The following LPCAT2 variants were observed in gnomAD, a reference collection of about 807,000 sequenced individuals.
The protein encoded by LPCAT2 is lysophosphatidylcholine acyltransferase 2.
A neutral mutation model predicts 64.7 loss-of-function variants in LPCAT2; 58 were observed. That is an observed-to-expected ratio of 0.90 (90% CI 0.73 to 1.12). LPCAT2 has a LOEUF of 1.12. Among genes scored for constraint, LPCAT2 ranks in the 50% most tolerant of loss-of-function variants. LPCAT2 has a pLI of 0.00. For synonymous variants in LPCAT2, 252 were observed against 245.3 expected, an observed-to-expected ratio of 1.03 and a Z score of -0.26; for missense variants, 579 against 669.8, an observed-to-expected ratio of 0.86 and a Z score of 1.50.
Position 55,525,666 on chromosome 16 carries a change from C to A in LPCAT2, c.311+19C>A. 6.3e-7 allele frequency: 1 copy of A among 1,582,584 alleles called. No individual in the cohort carries two copies. Among genetic ancestry groups the A allele is most frequent in the Non-Finnish European group, 8.6e-7 (1 of 1,165,220 alleles). Reference sequence around the variant, plus strand: ...GGAGGAGGTAAGAAATAATTTTGTCCAAAATATTAGGACATAATATTAAAT... The same window carrying A: ...GGAGGAGGTAAGAAATAATTTTGTCAAAAATATTAGGACATAATATTAAAT... On this transcript the variant is annotated intron_variant, in intron 2 of 13. Transcript: ENST00000262134.
chr16:55,551,514 G>A (rs1385929159), intron 11 of LPCAT2, among the ~76,000 whole-genome samples: 6 of 152,068 alleles, frequency 3.9e-5, no homozygotes, highest in Admixed American at 1.3e-4. Context: ...ATACATTGAT[G>A]ACATGGGTGT....
In LPCAT2 at chr16:55,528,482, A is replaced by C; in HGVS notation, c.417A>C (p.Pro139=). 6.2e-7 allele frequency: 1 copy of C among 1,614,046 alleles called. No individual in the cohort carries two copies. The highest frequency in any genetic ancestry group is 8.5e-7 in the Non-Finnish European group (1 of 1,179,958). Residue 139 remains proline (P), a synonymous_variant, in exon 3 of 14, where the codon CCA becomes CCC. Transcript: ENST00000262134. The part of the protein sequence containing the change: ...KGKIASPLEA[P]VFVAAPHSTF... ...AGATTGCAAGTCCTTTGGAAGCACC[A>C]GTTTTTGTTGCTGCCCCTCATTCAA...
At chr16:55,568,240 G>T (rs919060012) in intron 11 of LPCAT2, among the ~76,000 whole-genome samples, 1 of 152,170 alleles carries the variant, frequency 6.6e-6, no homozygotes, top group African/African-American at 2.4e-5. Context: ...GTTCAAAAAT[G>T]TCTCTAGCTG....
chr16:55,576,975 T>A (rs906413730), intron 12 of LPCAT2, among the ~76,000 whole-genome samples: 1 of 152,178 alleles, frequency 6.6e-6, no homozygotes, highest in South Asian at 2.1e-4. Context: ...TTAGACTGTT[T>A]AGATGAGTTG....
At chr16:55,546,875 G>A (rs372931705) in intron 9 of LPCAT2, among the ~76,000 whole-genome samples, 6 of 152,228 alleles carry the variant, frequency 3.9e-5, no homozygotes, top group Admixed American at 6.5e-5. Context: ...TGGGCTGGGC[G>A]CGGTGACTCA....
chr16:55,536,310 G>T (rs1054865665), intron 7 of LPCAT2, among the ~76,000 whole-genome samples: 7 of 152,092 alleles, frequency 4.6e-5, no homozygotes, highest in Admixed American at 6.5e-5. Flanking sequence ...CTGTCTGTAG[G>T]GTGGACAAGA....
At chr16:55,561,050 T>C (rs1261174209) in intron 11 of LPCAT2, among the ~76,000 whole-genome samples, 9 of 152,188 alleles carry the variant, frequency 5.9e-5, no homozygotes, top group East Asian at 1.9e-4. Context: ...TTTCTGGACA[T>C]TTTATATAAA....
chr16:55,509,700 G>GAGGACT (rs1962898390), intron 1 of LPCAT2, among the ~76,000 whole-genome samples: 1 of 152,070 alleles, frequency 6.6e-6, no homozygotes, highest in African/African-American at 2.4e-5. Flanking sequence ...TCTGAGAGGA[G>GAGGACT]AGGACTTCTG....
intron 4 of LPCAT2, among the ~76,000 whole-genome samples, chr16:55,530,825 G>A: frequency 6.6e-6 from 1 of 152,084 alleles, no homozygotes; most frequent in East Asian, 1.9e-4. Context: ...AGCTCATTTT[G>A]CTCATCTTGA....
chr16:55,537,460 G>T, intron 7 of LPCAT2, 118 bp from the exon 8 acceptor site: 1 of 742,354 alleles, frequency 1.3e-6, no homozygotes, highest in Non-Finnish European at 2.2e-6. Context: ...ATTTATAAAT[G>T]CAAAATATAT....
chr16:55,552,530 G>T (rs1182202703), intron 11 of LPCAT2, among the ~76,000 whole-genome samples: 2 of 152,152 alleles, frequency 1.3e-5, no homozygotes, highest in African/African-American at 2.4e-5. Flanking sequence ...CATTCATTCT[G>T]AAGGATATTT....
chr16:55,581,995 C>T (rs1162939958), intron 13 of LPCAT2, among the ~76,000 whole-genome samples: 4 of 152,108 alleles, frequency 2.6e-5, no homozygotes, highest in African/African-American at 9.7e-5. Context: ...AATCAAGGCT[C>T]AGCTTTTTAA....
At chr16:55,520,010 T>C (rs533354079) in intron 1 of LPCAT2, among the ~76,000 whole-genome samples, 22 of 152,214 alleles carry the variant, frequency 1.4e-4, no homozygotes, top group Admixed American at 2.6e-4. Context: ...ATGGGATATA[T>C]AGAAAAGAAA....
chr16:55,519,709 T>G (rs1276007122), intron 1 of LPCAT2, among the ~76,000 whole-genome samples: 2 of 152,262 alleles, frequency 1.3e-5, no homozygotes, highest in South Asian at 4.1e-4. Flanking sequence ...AATACAAAAA[T>G]TATTATTTTC....
chr16:55,522,728 C>A (rs1373176286), intron 1 of LPCAT2, among the ~76,000 whole-genome samples: 1 of 151,726 alleles, frequency 6.6e-6, no homozygotes, highest in East Asian at 1.9e-4. Context: ...AATGTCAAGT[C>A]TTTTGGTGCT....
intron 1 of LPCAT2, among the ~76,000 whole-genome samples, chr16:55,513,664 T>C (rs1005185214): frequency 6.6e-6 from 1 of 152,148 alleles, no homozygotes; most frequent in African/African-American, 2.4e-5. Flanking sequence ...TAATTCCTCA[T>C]CCTCAGCTCT....
At chr16:55,535,964 TAGG>T (rs1235048156) in intron 7 of LPCAT2, among the ~76,000 whole-genome samples, 2 of 152,072 alleles carry the variant, frequency 1.3e-5, no homozygotes, top group South Asian at 4.1e-4. Context: ...AAAAGGAAAT[TAGG>T]AGAAAGAATT....
At chr16:55,575,794 G>C (rs1256437209) in intron 12 of LPCAT2, among the ~76,000 whole-genome samples, 2 of 152,148 alleles carry the variant, frequency 1.3e-5, no homozygotes, top group African/African-American at 4.8e-5. Context: ...TTTTATTTCA[G>C]ATTGGTTTAA....
chr16:55,551,509 T>G (rs1351077127), intron 11 of LPCAT2, among the ~76,000 whole-genome samples: 1 of 152,130 alleles, frequency 6.6e-6, no homozygotes, highest in African/African-American at 2.4e-5. Context: ...AACTCATACA[T>G]TGATGACATG....
Sources: allele counts gnomAD v4.1 joint callset (sites outside exome capture counted in the v4.1 genomes callset), GRCh38; gene constraint gnomAD v4.1.1; transcripts MANE v1.5; gene names NCBI Gene and HGNC (gene_info 2026-07-23, HGNC 2026-07-21).